RCBTB2: variants seen among roughly 807,000 people sequenced by gnomAD.
RCBTB2 encodes the protein RCC1 and BTB domain-containing protein 2.
A neutral mutation model predicts 65.4 loss-of-function variants in RCBTB2; 55 were observed. The ratio of observed to expected loss-of-function variants is 0.84; its 90% CI spans 0.68 to 1.05. The LOEUF is 1.05. Among genes scored for constraint, RCBTB2 ranks in the 50% least tolerant of loss-of-function variants. The probability of loss-of-function intolerance (pLI) is 0.00; values close to 1 mark genes in which losing one functional copy is unlikely to be tolerated. For missense variants in RCBTB2, 599 were observed against 680.1 expected (o/e 0.88, Z 1.33); for synonymous variants, 220 against 255.2 (o/e 0.86, Z 1.31).
At chr13:48,518,110 T>C (rs1392823491) in intron 4 of RCBTB2, among the ~76,000 whole-genome samples, 1 of 152,218 alleles carries the variant, frequency 6.6e-6, no homozygotes, top group Non-Finnish European at 1.5e-5. Context: ...GCCCTGATGA[T>C]GCCTTGATTT....
intron 14 of RCBTB2, among the ~76,000 whole-genome samples, chr13:48,494,557 A>G (rs1949888984): frequency 6.6e-6 from 1 of 152,200 alleles, no homozygotes; most frequent in Non-Finnish European, 1.5e-5. Flanking sequence ...CCATGCCTCA[A>G]AGAGCTTACT....
At position 48,493,311 on chromosome 13, in the gene RCBTB2, A is replaced by ACTCT. The variant is rs773819158; in HGVS notation, c.1515+2879_1515+2880insAGAG. 7.8e-3 allele frequency among the ~76,000 whole-genome samples: 448 copies of ACTCT among 57,300 alleles called. 2 individuals are homozygous for ACTCT. The highest frequency in any genetic ancestry group is 0.014 in the South Asian group (20 of 1,462). The allele number at this position is 57,300 out of a possible 152,430, so 37.6% of individuals were successfully genotyped here. On this transcript the variant is annotated intron_variant, in intron 14 of 14. Coordinates refer to ENST00000344532, the MANE Select transcript of RCBTB2 (RefSeq NM_001268.4). ...TCTCCACACACACACACACACACAC[A>ACTCT]CACACTCTCTCTCTCTCTCTCTCTC...
intron 4 of RCBTB2, among the ~76,000 whole-genome samples, chr13:48,518,352 G>A (rs1951210380): frequency 6.6e-6 from 1 of 151,224 alleles, no homozygotes; most frequent in Non-Finnish European, 1.5e-5. Flanking sequence ...GCCCTAAAAA[G>A]GACACCTTCT....
rs1279501665 is a variant in RCBTB2 at position 48,512,865 on chromosome 13, G to A, written c.380C>T (p.Ala127Val). 6.2e-7 allele frequency: 1 copy of A among 1,613,182 alleles called. No individual in the cohort carries two copies. The highest frequency in any genetic ancestry group is 8.5e-7 in the Non-Finnish European group (1 of 1,179,522). Residue 127 changes from alanine (A) to valine (V), a missense_variant, in exon 7 of 15, where the codon GCT becomes GTT. Physicochemically the swap from Ala to Val is moderately conservative, Grantham distance 64. Transcript: ENST00000344532. The part of the protein sequence containing the change: ...EGEVFTWGHN[A>V]YSQLGNGTTN... Reference sequence around the variant, plus strand: ...TGTCCCATTGCCCAGCTGGCTATAAGCATTATGACCCCAGGTAAAGACTTC... The same window carrying A: ...TGTCCCATTGCCCAGCTGGCTATAAACATTATGACCCCAGGTAAAGACTTC...
At chr13:48,490,343 A>T (rs748677180) in intron 14 of RCBTB2, 92 bp from the exon 15 acceptor site, 3 of 1,120,890 alleles carry the variant, frequency 2.7e-6, no homozygotes, top group Admixed American at 2.2e-5. Flanking sequence ...TTAGGCAAAG[A>T]AAAAGGATTT....
At chr13:48,495,404 GT>G (rs1949925527) in intron 14 of RCBTB2, among the ~76,000 whole-genome samples, 1 of 146,884 alleles carries the variant, frequency 6.8e-6, no homozygotes, top group Admixed American at 6.7e-5. Flanking sequence ...AATAGGATAA[GT>G]TTTTCACTTA....
intron 9 of RCBTB2, 68 bp from the exon 10 acceptor site, chr13:48,510,839 G>C: frequency 1.4e-6 from 2 of 1,480,350 alleles, no homozygotes; most frequent in Non-Finnish European, 1.8e-6. Context: ...CACAAAGTAG[G>C]TTAAGAATCA....
chr13:48,496,041 T>G, intron 14 of RCBTB2, 150 bp downstream of exon 14: 2 of 581,068 alleles, frequency 3.4e-6, no homozygotes, highest in Non-Finnish European at 5.0e-6. Flanking sequence ...AAATACTTGC[T>G]TATACGTTGT....
intron 1 of RCBTB2, among the ~76,000 whole-genome samples, chr13:48,530,341 C>T (rs1327586308): frequency 6.6e-6 from 1 of 152,190 alleles, no homozygotes; most frequent in Admixed American, 6.5e-5. Context: ...GGACTCCTTA[C>T]ATTTATGGTC....
At chr13:48,512,222 G>C in intron 7 of RCBTB2, 48 bp from the exon 8 acceptor site, 3 of 1,524,550 alleles carry the variant, frequency 2.0e-6, no homozygotes, top group Non-Finnish European at 9.0e-7. Flanking sequence ...TTTATAAACT[G>C]TCTCAACTGG....
chr13:48,505,554 T>C (rs977075998), intron 10 of RCBTB2, among the ~76,000 whole-genome samples: 25 of 152,040 alleles, frequency 1.6e-4, no homozygotes, highest in African/African-American at 5.8e-4. Context: ...GAGAAGGAAA[T>C]AGAATAAACT....
chr13:48,513,789 G>A (rs1451454582), intron 6 of RCBTB2, among the ~76,000 whole-genome samples: 2 of 152,096 alleles, frequency 1.3e-5, no homozygotes, highest in African/African-American at 2.4e-5. Flanking sequence ...TTAGTAATCC[G>A]TTCTTGCTGT....
At chr13:48,519,999 G>A (rs1485514679) in intron 4 of RCBTB2, among the ~76,000 whole-genome samples, 1 of 152,046 alleles carries the variant, frequency 6.6e-6, no homozygotes, top group Admixed American at 6.6e-5. Flanking sequence ...GTTCATTAGA[G>A]CATTTCAGAT....
At position 48,499,603 on chromosome 13, in the gene RCBTB2, G is replaced by A; in HGVS notation, c.1384+18C>T. ...TCCTCAACATTTTGCCAAGTTTTTG[G>A]AAGTCTTTGGCAATTACCTACTGCC... On this transcript the variant is annotated intron_variant, in intron 13 of 14. Transcript: ENST00000344532. 6.2e-7 allele frequency: 1 copy of A among 1,611,078 alleles called. No homozygotes were observed. Among genetic ancestry groups the A allele is most frequent in the Non-Finnish European group, 8.5e-7 (1 of 1,178,888 alleles).
chr13:48,527,726 A>T (rs1200963303), intron 1 of RCBTB2, among the ~76,000 whole-genome samples: 1 of 152,126 alleles, frequency 6.6e-6, no homozygotes, highest in East Asian at 1.9e-4. Flanking sequence ...TCACTAATTT[A>T]TTTTTAAAGT....
In RCBTB2 at chr13:48,493,225, T is replaced by TCACACACACACACACACACACA. The variant is rs3085589; in HGVS notation, c.1515+2944_1515+2965dup. On this transcript the variant is annotated intron_variant, in intron 14 of 14. Transcript: ENST00000344532. ...TATACAGCCTCCTAAGTACCCTCCT[T>TCACACACACACACACACACACA]CACACACACACACACACACACACAC... Among the ~76,000 whole-genome samples, 346 of 109,046 alleles carry TCACACACACACACACACACACA rather than the reference T, an allele frequency of 3.2e-3. 9 individuals are homozygous for TCACACACACACACACACACACA. The highest frequency in any genetic ancestry group is 0.015 in the African/African-American group (279 of 18,064). The allele number at this position is 109,046 out of a possible 152,430, so 71.5% of individuals were successfully genotyped here. A position where few individuals can be genotyped will look rare whatever the true frequency, so the allele number is the denominator to read the frequency against.
chr13:48,519,421 T>C (rs1951292330), intron 4 of RCBTB2, among the ~76,000 whole-genome samples: 1 of 152,252 alleles, frequency 6.6e-6, no homozygotes, highest in Admixed American at 6.5e-5. Context: ...AGAATCAGGC[T>C]GTAAATTCCA....
intron 12 of RCBTB2, 136 bp from the exon 13 acceptor site, chr13:48,499,896 G>T (rs776794827): frequency 9.8e-6 from 10 of 1,025,288 alleles, no homozygotes; most frequent in Middle Eastern, 5.5e-4. Flanking sequence ...TGCTGGCCAG[G>T]GTTTTCAAAC....
Position 48,490,172 on chromosome 13 carries a change from T to G in RCBTB2, c.1595A>C (p.Asp532Ala). The G allele has an allele frequency of 6.2e-7, 1 of 1,614,100 alleles. No homozygotes were observed. The highest frequency in any genetic ancestry group is 8.5e-7 in the Non-Finnish European group (1 of 1,179,948). The change falls in exon 15 of 15, where the codon GAC (aspartate) becomes GCC (alanine). Residue 532 changes from aspartate (D) to alanine (A), a missense_variant. Coordinates refer to ENST00000344532, the MANE Select transcript of RCBTB2 (RefSeq NM_001268.4). ...VTQTSGFAEM[D>A]HDLLKNFISK... ...GATAAAGTTCTTCAGGAGATCATGG[T>G]CCATTTCTGCAAAACCTGATGTTTG...
Sources: gnomAD v4.1 joint callset for allele counts (sites outside exome capture counted in the v4.1 genomes callset) on GRCh38, gnomAD v4.1.1 for gene constraint, MANE v1.5 for transcripts, NCBI Gene and HGNC (gene_info 2026-07-23, HGNC 2026-07-21) for gene names.